HCK: variants seen among roughly 807,000 people sequenced by gnomAD.
HCK encodes the protein tyrosine-protein kinase HCK.
In HCK, 40 loss-of-function variants were observed where a neutral mutation model predicts 70.4. The observed-to-expected ratio is 0.57, with a 90% confidence interval of 0.44 to 0.74. The LOEUF is 0.74. Among genes scored for constraint, HCK ranks in the 30% least tolerant of loss-of-function variants. The pLI is 0.00. For synonymous variants in HCK, 245 were observed against 263.2 expected (o/e 0.93, Z 0.67); for missense variants, 568 against 697.2 (o/e 0.81, Z 2.09).
intron 1 of HCK, among the ~76,000 whole-genome samples, chr20:32,068,616 G>A (rs1158516838): frequency 6.6e-6 from 1 of 151,996 alleles, no homozygotes; most frequent in Non-Finnish European, 1.5e-5. Flanking sequence ...TCCTGCCAGT[G>A]TATCACTTTC....
In HCK at chr20:32,094,783, GAA is replaced by G. The variant is rs1489839069; in HGVS notation, c.1246+769_1246+770del. Among the ~76,000 whole-genome samples the G allele has an allele frequency of 4.1e-4, 26 of 63,888 alleles. 1 individual carries two copies. The South Asian group carries it at 8.0e-3, about 20-fold the overall frequency. 41.9% of individuals were successfully genotyped at this position (63,888 alleles called of 152,430 possible). A position where few individuals can be genotyped will look rare whatever the true frequency, so the allele number is the denominator to read the frequency against. ...AAAGAAGGAAAGAAAGAAAGAGAGAGAAAGAGAAAGAAAGAAAGAAAGAAAGA... is the reference window on the plus strand; with the variant it reads ...AAAGAAGGAAAGAAAGAAAGAGAGAGAGAGAAAGAAAGAAAGAAAGAAAGA... On this transcript the variant is annotated intron_variant, in intron 11 of 12. Transcript: ENST00000375852.
In HCK at chr20:32,074,686, C is replaced by A; in HGVS notation, c.393C>A (p.Asn131Lys). 1 of 1,614,004 alleles carries A rather than the reference C, an allele frequency of 6.2e-7. No homozygotes were observed. ...GGAAGGAGGGCTACATCCCAAGCAA[C>A]TATGTCGCCCGCGTTGACTCTCTGG... Residue 131 changes from asparagine (N) to lysine (K), a missense_variant, in exon 5 of 13, where the codon AAC becomes AAA. By Grantham distance (94) the Asn-to-Lys change is moderately conservative (BLOSUM62 0). Coordinates refer to ENST00000375852, the MANE Select transcript of HCK (RefSeq NM_002110.5).
At chr20:32,099,741 A>C (rs1328657770) in intron 12 of HCK, among the ~76,000 whole-genome samples, 1 of 152,066 alleles carries the variant, frequency 6.6e-6, no homozygotes, top group Admixed American at 6.6e-5. Context: ...TTTGAACCCC[A>C]CAGTCTCCAC....
At chr20:32,092,976 G>C (rs995909177) in intron 10 of HCK, among the ~76,000 whole-genome samples, 2 of 151,850 alleles carry the variant, frequency 1.3e-5, no homozygotes, top group Non-Finnish European at 2.9e-5. Flanking sequence ...ACAGAGTCTT[G>C]CTCTGTCGCC....
intron 1 of HCK, among the ~76,000 whole-genome samples, chr20:32,062,079 AC>A (rs977948188): frequency 6.6e-6 from 1 of 151,650 alleles, no homozygotes; most frequent in African/African-American, 2.4e-5. Context: ...AGCTGGGATT[AC>A]AGGCATGCGC....
At chr20:32,081,156 C>T (rs2045704834) in intron 6 of HCK, among the ~76,000 whole-genome samples, 1 of 152,174 alleles carries the variant, frequency 6.6e-6, no homozygotes, top group Non-Finnish European at 1.5e-5. Context: ...CCTTTCCTCC[C>T]TCCATAAGGA....
intron 6 of HCK, among the ~76,000 whole-genome samples, chr20:32,083,463 G>A (rs538244691): frequency 7.9e-5 from 12 of 152,266 alleles, no homozygotes; most frequent in South Asian, 4.1e-4. Flanking sequence ...GTATACTATG[G>A]TCTCTTGGCT....
At chr20:32,054,881 A>G (rs1351195103) in intron 1 of HCK, among the ~76,000 whole-genome samples, 1 of 152,234 alleles carries the variant, frequency 6.6e-6, no homozygotes, top group Non-Finnish European at 1.5e-5. Flanking sequence ...GCAGAGGAGC[A>G]TATTTGCCCC....
intron 1 of HCK, among the ~76,000 whole-genome samples, chr20:32,070,419 C>T (rs941484149): frequency 6.6e-6 from 1 of 152,200 alleles, no homozygotes; most frequent in African/African-American, 2.4e-5. Context: ...GCTTCAGCTA[C>T]ACTCTCCTGC....
At position 32,071,873 on chromosome 20, in the gene HCK, G is replaced by C. The variant is rs73247043; in HGVS notation, c.183+91G>C. 2,630 of 1,492,220 alleles carry C rather than the reference G, an allele frequency of 1.8e-3. 37 individuals carry two copies. The African/African-American group carries it at 0.033, about 19-fold the overall frequency. 92.4% of individuals were successfully genotyped at this position (1,492,220 alleles called of 1,614,324 possible). On this transcript the variant is annotated intron_variant, in intron 2 of 12. Coordinates refer to ENST00000375852, the MANE Select transcript of HCK (RefSeq NM_002110.5). ...CCTCCTGTCTTCCCAAGGTTGGGCA[G>C]GGTGAGCTTGGGGTGAAAGGGAGCT...
chr20:32,076,837 G>T (rs955558598), intron 5 of HCK, among the ~76,000 whole-genome samples: 1 of 152,172 alleles, frequency 6.6e-6, no homozygotes, highest in Non-Finnish European at 1.5e-5. Context: ...TGTAATCCCA[G>T]CACTTTGGGA....
At chr20:32,090,249 C>T (rs1394504406) in intron 10 of HCK, among the ~76,000 whole-genome samples, 1 of 152,192 alleles carries the variant, frequency 6.6e-6, no homozygotes, top group Non-Finnish European at 1.5e-5. Context: ...GCCCGTTTCA[C>T]AGAGGGGAAA....
chr20:32,058,745 A>G (rs1356204990), intron 1 of HCK, among the ~76,000 whole-genome samples: 1 of 152,048 alleles, frequency 6.6e-6, no homozygotes, highest in Non-Finnish European at 1.5e-5. Flanking sequence ...CTGATTCCAG[A>G]GACCCTCCTA....
At chr20:32,078,912 A>G (rs2045669220) in intron 5 of HCK, among the ~76,000 whole-genome samples, 1 of 150,706 alleles carries the variant, frequency 6.6e-6, no homozygotes, top group African/African-American at 2.5e-5. Context: ...AACTCCATAG[A>G]GCTGTTGGGT....
intron 11 of HCK, 55 bp from the exon 12 acceptor site, chr20:32,098,949 G>A (rs1472371444): frequency 3.1e-6 from 5 of 1,591,178 alleles, no homozygotes; most frequent in Non-Finnish European, 4.3e-6. Context: ...CCTTAGCAGA[G>A]CCAACCCTCA....
At chr20:32,055,720 C>A (rs2045260538) in intron 1 of HCK, among the ~76,000 whole-genome samples, 2 of 152,184 alleles carry the variant, frequency 1.3e-5, no homozygotes, top group Admixed American at 6.5e-5. Flanking sequence ...GCGAACAATT[C>A]AGTGGTATTT....
chr20:32,063,853 G>A (rs1038511434), intron 1 of HCK, among the ~76,000 whole-genome samples: 1 of 151,652 alleles, frequency 6.6e-6, no homozygotes, highest in South Asian at 2.1e-4. Flanking sequence ...TCAGCTTCAG[G>A]CGAGGCTTAA....
intron 1 of HCK, among the ~76,000 whole-genome samples, chr20:32,059,216 G>A (rs1404451308): frequency 6.6e-6 from 1 of 152,176 alleles, no homozygotes; most frequent in Non-Finnish European, 1.5e-5. Context: ...GAAAGAGGTG[G>A]CCATGGAGGG....
At chr20:32,091,865 G>C (rs1048457512) in intron 10 of HCK, among the ~76,000 whole-genome samples, 4 of 151,530 alleles carry the variant, frequency 2.6e-5, no homozygotes, top group African/African-American at 9.7e-5. Context: ...TGCACCTATA[G>C]TACCAGCTGC....
Sources: gnomAD v4.1 joint callset for allele counts (sites outside exome capture counted in the v4.1 genomes callset) on GRCh38, gnomAD v4.1.1 for gene constraint, MANE v1.5 for transcripts, NCBI Gene and HGNC (gene_info 2026-07-23, HGNC 2026-07-21) for gene names.